The following PTPN21 variants were observed in gnomAD, a reference collection of about 807,000 sequenced individuals.
PTPN21 encodes the protein protein tyrosine phosphatase non-receptor type 21.
In PTPN21, 77 loss-of-function variants were observed where a neutral mutation model predicts 131.8. The ratio of observed to expected loss-of-function variants is 0.58; its 90% CI spans 0.49 to 0.71. PTPN21 has a LOEUF of 0.71. Ranked by LOEUF, PTPN21 falls within the 30% of genes least tolerant of loss-of-function variation. The pLI is 0.00. For synonymous variants in PTPN21, 715 were observed against 621.3 expected (o/e 1.15, Z -2.24); for missense variants, 1,552 against 1,527.1 (o/e 1.02, Z -0.27).
intron 2 of PTPN21, among the ~76,000 whole-genome samples, chr14:88,518,275 C>CACAT (rs1566839582): frequency 1.9e-5 from 1 of 53,832 alleles, no homozygotes; most frequent in Non-Finnish European, 3.5e-5. Flanking sequence ...TATATATATA[C>CACAT]ACACACACAT....
intron 12 of PTPN21, among the ~76,000 whole-genome samples, chr14:88,481,598 T>C (rs2077653995): frequency 6.6e-6 from 1 of 152,284 alleles, no homozygotes; most frequent in Non-Finnish European, 1.5e-5. Flanking sequence ...GGGAAAGGTA[T>C]GCATGAAATC....
At position 88,465,826 on chromosome 14, in the gene PTPN21, C is replaced by A. The variant is rs2077355003; in HGVS notation, c.*2311G>T. On this transcript the variant is annotated 3_prime_UTR_variant, in exon 19 of 19. Coordinates refer to ENST00000556564, the MANE Select transcript of PTPN21 (RefSeq NM_007039.4). ...GAAATCCTTTCATATTCACTAACTG[C>A]AATTAAAAGTTTAAAATTACATGGC... 6.6e-6 allele frequency: 1 copy of A among 152,100 alleles called. No individual in the cohort carries two copies. The highest frequency in any genetic ancestry group is 2.4e-5 in the African/African-American group (1 of 41,416). 9.4% of individuals were successfully genotyped at this position (152,100 alleles called of 1,614,324 possible).
chr14:88,491,309 A>C (rs567195535), intron 10 of PTPN21, among the ~76,000 whole-genome samples: 6 of 152,356 alleles, frequency 3.9e-5, no homozygotes, highest in African/African-American at 1.4e-4. Context: ...CCCAAGCAGC[A>C]ATAAACTACA....
rs1289464531 is a variant in PTPN21 at position 88,479,234 on chromosome 14, G to A, written c.2197C>T (p.Arg733Cys). The stretch of plus-strand genomic sequence containing the variant: ...TGGGCCAGGCCGGGCCGAGGCTCGC[G>A]CGCACGTGCAGGAGGCGCCCGGGCC... Reference protein sequence around the residue: ...SGARAPPARAREPRPGLAQDP... With the variant: ...SGARAPPARACEPRPGLAQDP... Residue 733 changes from arginine to cysteine, a missense_variant, in exon 13 of 19, where the codon CGC (arginine) becomes TGC (cysteine). Physicochemically the swap from Arg to Cys is radical, Grantham distance 180. Around this residue, in one of 4 missense-constraint regions of PTPN21, gnomAD observed 1,016 missense variants for 883.5 expected, o/e 1.15. Coordinates refer to ENST00000556564, the MANE Select transcript of PTPN21 (RefSeq NM_007039.4). 1.9e-6 allele frequency: 3 copies of A among 1,606,938 alleles called. No individual in the cohort carries two copies. The African/African-American group carries it at 4.0e-5, about 22-fold the overall frequency.
In PTPN21 at chr14:88,472,434, C is replaced by T. The variant is rs2077486021; in HGVS notation, c.2681G>A (p.Gly894Glu). ...TCTTTCATATTCTGTGAATACCATT[C>T]CTTGTTCTAATCGTTGTTCCAGAAT... The part of the protein sequence containing the change: ...CKILEQRLEQ[G>E]MVFTEYERIL... The change falls in exon 15 of 19, where the codon GGA (glycine) becomes GAA (glutamate). Residue 894 changes from glycine (G) to glutamate (E), a missense_variant. Physicochemically the swap from Gly to Glu is moderately conservative, Grantham distance 98. Transcript: ENST00000556564. 6.2e-7 allele frequency: 1 copy of T among 1,613,652 alleles called. No homozygotes were observed. Among genetic ancestry groups the T allele is most frequent in the Non-Finnish European group, 8.5e-7 (1 of 1,179,592 alleles).
chr14:88,514,273 C>T (rs1055694701), intron 3 of PTPN21, among the ~76,000 whole-genome samples: 23 of 152,082 alleles, frequency 1.5e-4, no homozygotes, highest in African/African-American at 2.7e-4. Context: ...GTTACACAGA[C>T]GAATTATTCC....
Position 88,479,590 on chromosome 14 carries a change from G to A in PTPN21, c.1841C>T (p.Ala614Val). 1 of 1,589,784 alleles carries A rather than the reference G, an allele frequency of 6.3e-7. No individual in the cohort carries two copies. Among genetic ancestry groups the A allele is most frequent in the Non-Finnish European group, 8.5e-7 (1 of 1,174,026 alleles). The change falls in exon 13 of 19, where the codon GCG (alanine) becomes GTG (valine). Residue 614 changes from alanine (A) to valine (V), a missense_variant. By Grantham distance (64) the Ala-to-Val change is moderately conservative (BLOSUM62 0). Transcript: ENST00000556564. The stretch of plus-strand genomic sequence containing the variant: ...CTCGCTGACCTCCTGCAGCGAGTGC[G>A]CCACGGGCAGGCTGTCCTCCTGGAA... ...QTFQEDSLPV[A>V]HSLQEVSEPL...
At chr14:88,489,645 G>GT (rs1398214798) in intron 10 of PTPN21, among the ~76,000 whole-genome samples, 5 of 151,968 alleles carry the variant, frequency 3.3e-5, no homozygotes, top group Admixed American at 3.3e-4. Flanking sequence ...GCAAGACCCC[G>GT]TCTCTTTAAA....
Position 88,473,786 on chromosome 14 carries a change from C to G in PTPN21, c.2528G>C (p.Arg843Pro), listed in dbSNP as rs757930452. 1 of 1,607,186 alleles carries G rather than the reference C, an allele frequency of 6.2e-7. No individual in the cohort carries two copies. Among genetic ancestry groups the G allele is most frequent in the Admixed American group, 1.7e-5 (1 of 57,768 alleles). Residue 843 changes from arginine (R) to proline (P), a missense_variant, in exon 14 of 19, where the codon CGA (arginine) becomes CCA (proline). Physicochemically the swap from Arg to Pro is moderately radical, Grantham distance 103. Around this residue, in one of 4 missense-constraint regions of PTPN21, gnomAD observed 1,016 missense variants for 883.5 expected, o/e 1.15. Coordinates refer to ENST00000556564, the MANE Select transcript of PTPN21 (RefSeq NM_007039.4). ...AGGACCAATTTTTTTTGCATCTACT[C>G]GAGTCTTTTTCATTCCCTGTAAAAG... is the stretch of plus-strand genomic sequence containing the variant. ...LPPLGGMKKTRVDAKKIGPLK... is the reference protein window; with the variant it reads ...LPPLGGMKKTPVDAKKIGPLK...
rs1368974520 is a variant in PTPN21, at chr14:88,469,779, A to C, written c.3001-46T>G. On this transcript the variant is annotated intron_variant, in intron 16 of 18. Transcript: ENST00000556564. This position sits in a 1 kb window ranked among gnomAD's most constrained non-coding sequence, Gnocchi z 4.3. ...TAAATGACTCGAGATCCGGCAATGG[A>C]TGCCTTTCTCACATAGACGGCACAT... The C allele has an allele frequency of 6.2e-7, 1 of 1,605,090 alleles. No homozygotes were observed. Among genetic ancestry groups the C allele is most frequent in the South Asian group, 1.1e-5 (1 of 90,852 alleles).
intron 8 of PTPN21, among the ~76,000 whole-genome samples, chr14:88,498,955 G>A (rs924928831): frequency 6.6e-5 from 10 of 152,026 alleles, no homozygotes; most frequent in African/African-American, 1.4e-4. Context: ...TACGGATTCC[G>A]TTGTTTGTTA....
chr14:88,531,233 A>C (rs1015637069), intron 2 of PTPN21, among the ~76,000 whole-genome samples: 2 of 152,214 alleles, frequency 1.3e-5, no homozygotes, highest in African/African-American at 4.8e-5. Flanking sequence ...AATTCTTTGA[A>C]CTGAATGATA....
In PTPN21 at chr14:88,536,402, T is replaced by G. The variant is rs80000566; in HGVS notation, c.180+13836A>C. ...AATAAAAGTTAAAACAAACTTGGCT[T>G]CTTTTCAGCACAATATGGTTGACTT... On this transcript the variant is annotated intron_variant, in intron 2 of 18. Transcript: ENST00000556564. Among the ~76,000 whole-genome samples, 326 of 152,382 alleles carry G rather than the reference T, an allele frequency of 2.1e-3. 4 individuals carry two copies. Among genetic ancestry groups the G allele is most frequent in the African/African-American group, 7.5e-3 (311 of 41,592 alleles).
intron 10 of PTPN21, among the ~76,000 whole-genome samples, chr14:88,494,689 A>T (rs968322893): frequency 2.0e-5 from 3 of 151,504 alleles, no homozygotes; most frequent in Non-Finnish European, 4.4e-5. Context: ...TTAAAAAAAG[A>T]AGTGGAATGC....
In PTPN21 at chr14:88,472,416, T is replaced by C; in HGVS notation, c.2699A>G (p.Tyr900Cys). 6.2e-7 allele frequency: 1 copy of C among 1,614,030 alleles called. No individual in the cohort carries two copies. The highest frequency in any genetic ancestry group is 8.5e-7 in the Non-Finnish European group (1 of 1,179,866). The change falls in exon 15 of 19, where the codon TAT (tyrosine) becomes TGT (cysteine). Residue 900 changes from tyrosine to cysteine, a missense_variant. Tyr to Cys is a radical substitution (Grantham distance 194, BLOSUM62 -2). Around this residue, in one of 4 missense-constraint regions of PTPN21, gnomAD observed 316 missense variants for 378.5 expected, o/e 0.83. Transcript: ENST00000556564. ...TAGCCGTTTCTTAAGAATTCTTTCA[T>C]ATTCTGTGAATACCATTCCTTGTTC... is the stretch of plus-strand genomic sequence containing the variant. ...RLEQGMVFTE[Y>C]ERILKKRLVD...
chr14:88,480,174 A>G lies in PTPN21; in HGVS notation c.1257T>C (p.Pro419=), dbSNP rs1283464231. 1.2e-6 allele frequency: 2 copies of G among 1,614,086 alleles called. No individual in the cohort carries two copies. Among genetic ancestry groups the G allele is most frequent in the Admixed American group, 3.3e-5 (2 of 60,014 alleles). ...YLQPSPMSSN[P]SITGSDVMRP... ...TCATGACGTCACTCCCGGTGATGCT[A>G]GGGTTGGACGACATCGGCGAGGGCT... is the stretch of plus-strand genomic sequence containing the variant. The change falls in exon 13 of 19, where the codon CCT becomes CCC. Residue 419 remains proline (P), a synonymous_variant. Coordinates refer to ENST00000556564, the MANE Select transcript of PTPN21 (RefSeq NM_007039.4).
At chr14:88,513,054 T>C (rs1271907787) in intron 3 of PTPN21, among the ~76,000 whole-genome samples, 1 of 152,224 alleles carries the variant, frequency 6.6e-6, no homozygotes, top group African/African-American at 2.4e-5. Context: ...GAGTAATGAA[T>C]TGTACTCTAG....
rs963054507 is a variant in PTPN21, at chr14:88,504,457, G to C, written c.555C>G (p.Thr185=). 1 of 1,612,212 alleles carries C rather than the reference G, an allele frequency of 6.2e-7. No homozygotes were observed. The highest frequency in any genetic ancestry group is 8.5e-7 in the Non-Finnish European group (1 of 1,178,784). ...LQDEKVLEEA[T]QKVALLHQKY... is the part of the protein sequence containing the mutation. ...TCTGATGTAGTAAGGCCACTTTTTG[G>C]GTTGCTTCTTCCAATACTTTTTCAT... The change falls in exon 6 of 19, where the codon ACC becomes ACG. Residue 185 remains threonine (T), a synonymous_variant. Transcript: ENST00000556564.
rs772993759 is a variant in PTPN21 at position 88,478,197 on chromosome 14, C to G, written c.2511+723G>C. Among the ~76,000 whole-genome samples the G allele has an allele frequency of 7.5e-4, 114 of 152,218 alleles. 2 individuals are homozygous for G. Among genetic ancestry groups the G allele is most frequent in the Non-Finnish European group, 2.8e-4 (19 of 68,040 alleles). The stretch of plus-strand genomic sequence containing the variant: ...AGGATGGTAGCTAGAGATGATGCTA[C>G]TATGCTTTTTTATATTTTGCTTCAA... On this transcript the variant is annotated intron_variant, in intron 13 of 18. Transcript: ENST00000556564.
Sources: allele counts gnomAD v4.1 joint callset (sites outside exome capture counted in the v4.1 genomes callset), GRCh38; gene constraint gnomAD v4.1.1; regional missense constraint gnomAD v4.1.1; non-coding constraint Gnocchi (gnomAD v3.1); transcripts MANE v1.5; gene names NCBI Gene and HGNC (gene_info 2026-07-23, HGNC 2026-07-21).